TFCP2: variants seen among roughly 807,000 people sequenced by gnomAD.
The protein encoded by TFCP2 is transcription factor CP2.
TFCP2 carries 33 observed loss-of-function variants against 73.4 expected under a neutral mutation model. The observed-to-expected ratio is 0.45, with a 90% CI of 0.34 to 0.60. TFCP2 has a LOEUF of 0.60. Ranked by LOEUF, TFCP2 falls within the 20% of genes least tolerant of loss-of-function variation. The pLI, the probability that TFCP2 is intolerant of heterozygous loss-of-function variation, is 0.01. For synonymous variants in TFCP2, 193 were observed against 211.6 expected, an observed-to-expected ratio of 0.91 and a Z score of 0.76; for missense variants, 352 against 604.0, an observed-to-expected ratio of 0.58 and a Z score of 4.37.
chr12:51,140,640 T>C (rs1292652304), intron 1 of TFCP2, among the ~76,000 whole-genome samples: 1 of 151,498 alleles, frequency 6.6e-6, no homozygotes, highest in Non-Finnish European at 1.5e-5. Context: ...TCACCCAGGC[T>C]GGAGTGTAGT....
At chr12:51,119,397 T>C (rs1940604869) in intron 1 of TFCP2, among the ~76,000 whole-genome samples, 1 of 152,230 alleles carries the variant, frequency 6.6e-6, no homozygotes, top group Non-Finnish European at 1.5e-5. Flanking sequence ...CATCCTTTTG[T>C]CAGTAGCAAT....
intron 1 of TFCP2, among the ~76,000 whole-genome samples, chr12:51,127,925 C>T (rs373675677): frequency 6.8e-6 from 1 of 146,276 alleles, no homozygotes; most frequent in Non-Finnish European, 1.5e-5. Flanking sequence ...ATTTTCTTTT[C>T]TTTTTTTTTT....
intron 4 of TFCP2, among the ~76,000 whole-genome samples, chr12:51,113,973 TA>T (rs1940459082): frequency 6.6e-6 from 1 of 151,982 alleles, no homozygotes; most frequent in Non-Finnish European, 1.5e-5. Flanking sequence ...ATATAAGACC[TA>T]AAACTATAAA....
chr12:51,103,280 C>T (rs1940154723), intron 10 of TFCP2, among the ~76,000 whole-genome samples: 1 of 151,342 alleles, frequency 6.6e-6, no homozygotes. Context: ...GAGATTCCAT[C>T]TCAAAGAAAA....
chr12:51,158,420 A>C (rs1177636966), intron 1 of TFCP2, among the ~76,000 whole-genome samples: 1 of 152,216 alleles, frequency 6.6e-6, no homozygotes, highest in Non-Finnish European at 1.5e-5. Context: ...CTGGGCATAC[A>C]TAATGACTTC....
chr12:51,135,041 T>C (rs1301910403), intron 1 of TFCP2, among the ~76,000 whole-genome samples: 5 of 147,502 alleles, frequency 3.4e-5, no homozygotes, highest in African/African-American at 1.3e-4. Context: ...GCCCTGGAGG[T>C]TGAGGCTGCA....
intron 1 of TFCP2, among the ~76,000 whole-genome samples, chr12:51,123,505 T>A (rs1940732463): frequency 6.6e-6 from 1 of 152,248 alleles, no homozygotes; most frequent in South Asian, 2.1e-4. Context: ...CCAAACCCAT[T>A]CTGGTAGATT....
chr12:51,158,873 C>G (rs992664669), intron 1 of TFCP2, among the ~76,000 whole-genome samples: 3 of 150,940 alleles, frequency 2.0e-5, no homozygotes, highest in Non-Finnish European at 3.0e-5. Flanking sequence ...TTTAAATCTC[C>G]TGGACATCGG....
In TFCP2 at chr12:51,113,006, A is replaced by G. The variant is rs79245394; in HGVS notation, c.458-2023T>C. 8.4e-4 allele frequency among the ~76,000 whole-genome samples: 128 copies of G among 152,284 alleles called. 1 individual carries two copies. Among genetic ancestry groups the G allele is most frequent in the African/African-American group, 3.0e-3 (125 of 41,570 alleles). On this transcript the variant is annotated intron_variant, in intron 4 of 14. Transcript: ENST00000257915. ...AACTTTTCTTTCCATTCCACACAGC[A>G]GATATTCAAATAGCATTCCCTGATT...
intron 4 of TFCP2, among the ~76,000 whole-genome samples, chr12:51,111,246 C>T (rs537938836): frequency 8.6e-5 from 13 of 151,904 alleles, no homozygotes; most frequent in Non-Finnish European, 1.5e-4. Flanking sequence ...TGGGTTCAAA[C>T]GATCCTCCTG....
chr12:51,124,637 G>C (rs563295730), intron 1 of TFCP2: 2 of 557,370 alleles, frequency 3.6e-6, no homozygotes, highest in Non-Finnish European at 6.9e-6. Context: ...GTCATGTTCC[G>C]AGAGCCTCCG....
chr12:51,153,604 C>T lies in TFCP2; in HGVS notation c.122+18697G>A, dbSNP rs565862964. On this transcript the variant is annotated intron_variant, in intron 1 of 14. Coordinates refer to ENST00000257915, the MANE Select transcript of TFCP2 (RefSeq NM_005653.5). ...GGTTAACCACTATTCAACATTCTAT[C>T]ATTATGAATTTGACTACTTGAGGTA... is the stretch of plus-strand genomic sequence containing the variant. 3.3e-5 allele frequency among the ~76,000 whole-genome samples: 5 copies of T among 152,200 alleles called. No homozygotes were observed. The South Asian group carries it at 1.0e-3, about 32-fold the overall frequency.
In TFCP2 at chr12:51,104,201, T is replaced by C. The variant is rs1181280100; in HGVS notation, c.920A>G (p.Asn307Ser). The C allele has an allele frequency of 6.2e-7, 1 of 1,613,888 alleles. No individual in the cohort carries two copies. Among genetic ancestry groups the C allele is most frequent in the Non-Finnish European group, 8.5e-7 (1 of 1,179,874 alleles). ...SHSSFSLGEGNGSPNHQPEPP... is the reference protein window; with the variant it reads ...SHSSFSLGEGSGSPNHQPEPP... ...CTCTGGCTGGTGGTTTGGTGAACCA[T>C]TTCTAAAGAAACATTTAAAATGAAA... The change falls in exon 9 of 15, where the codon AAT becomes AGT. Residue 307 changes from asparagine (N) to serine (S), a missense_variant and splice_region_variant. Transcript: ENST00000257915.
At chr12:51,172,159 C>G (rs1453333798) in intron 1 of TFCP2, 142 bp downstream of exon 1, 2 of 1,215,004 alleles carry the variant, frequency 1.6e-6, no homozygotes, top group African/African-American at 1.5e-5. Context: ...CTACTCAAAG[C>G]GACAAAAGAA....
intron 13 of TFCP2, among the ~76,000 whole-genome samples, chr12:51,097,309 C>T (rs111893573): frequency 0.026 from 3,952 of 151,894 alleles, 181 homozygotes; most frequent in African/African-American, 0.091. Flanking sequence ...AGTGCGGTGG[C>T]GCAATCTTGG....
intron 1 of TFCP2, among the ~76,000 whole-genome samples, chr12:51,128,490 AAAC>A (rs1365604197): frequency 2.7e-5 from 4 of 150,022 alleles, no homozygotes; most frequent in African/African-American, 9.7e-5. Flanking sequence ...AAAAAAAAAA[AAAC>A]AAAAAAAACA....
intron 8 of TFCP2, among the ~76,000 whole-genome samples, chr12:51,105,636 A>G (rs1383302361): frequency 2.0e-5 from 3 of 152,188 alleles, no homozygotes; most frequent in African/African-American, 7.2e-5. Flanking sequence ...CTTAGCTGCA[A>G]AATTCAAATT....
chr12:51,172,177 C>T, intron 1 of TFCP2, 124 bp downstream of exon 1: 1 of 1,373,492 alleles, frequency 7.3e-7, no homozygotes, highest in Non-Finnish European at 9.9e-7. Flanking sequence ...GAACAAGTCC[C>T]TTTTCCCCAA....
At chr12:51,113,716 T>C (rs1259049267) in intron 4 of TFCP2, among the ~76,000 whole-genome samples, 2 of 152,010 alleles carry the variant, frequency 1.3e-5, no homozygotes, top group African/African-American at 2.4e-5. Flanking sequence ...TTTAAACAAA[T>C]GGAATAGAAT....
Sources: allele counts gnomAD v4.1 joint callset (sites outside exome capture counted in the v4.1 genomes callset), GRCh38; gene constraint gnomAD v4.1.1; transcripts MANE v1.5; gene names NCBI Gene and HGNC (gene_info 2026-07-23, HGNC 2026-07-21).